Variants in ELMO2 observed in about 807,000 individuals in gnomAD.
ELMO2 encodes engulfment and cell motility protein 2.
In ELMO2, 37 loss-of-function variants were observed where a neutral mutation model predicts 96.2. That is an observed-to-expected ratio of 0.38 (90% CI 0.30 to 0.51). The LOEUF (loss-of-function observed/expected upper bound fraction) is 0.51. Among genes scored for constraint, ELMO2 ranks in the 20% least tolerant of loss-of-function variants. The probability of loss-of-function intolerance (pLI) is 0.88; values close to 1 mark genes in which losing one functional copy is unlikely to be tolerated. For missense variants in ELMO2, 561 were observed against 912.6 expected, an observed-to-expected ratio of 0.61 and a Z score of 4.96; for synonymous variants, 315 against 329.4, an observed-to-expected ratio of 0.96 and a Z score of 0.47.
intron 15 of ELMO2, among the ~76,000 whole-genome samples, chr20:46,374,098 G>GTTTTT (rs60843274): frequency 3.2e-5 from 2 of 63,028 alleles, no homozygotes; most frequent in African/African-American, 1.2e-4. Context: ...CTAATTTTTG[G>GTTTTT]TTTTTTTTTT....
chr20:46,382,169 A>AGAGCTG, intron 10 of ELMO2: 2 of 1,288,622 alleles, frequency 1.6e-6, no homozygotes, highest in Non-Finnish European at 2.0e-6. Flanking sequence ...CCCACCTGCA[A>AGAGCTG]GAGCTGGGGC....
chr20:46,374,707 G>C, intron 13 of ELMO2, 67 bp from the exon 14 acceptor site: 1 of 1,373,942 alleles, frequency 7.3e-7, no homozygotes, highest in Non-Finnish European at 1.0e-6. Context: ...CTGAGGGGAT[G>C]CCCTCTCGCC....
At chr20:46,382,450 G>A (rs2059973754) in intron 10 of ELMO2, among the ~76,000 whole-genome samples, 2 of 152,178 alleles carry the variant, frequency 1.3e-5, no homozygotes, top group East Asian at 1.9e-4. Context: ...ATCTTACTGA[G>A]CCCATGAGAT....
Position 46,374,452 on chromosome 20 carries a change from A to C in ELMO2, c.1171-12T>G, listed in dbSNP as rs775310904. 5.6e-6 allele frequency: 9 copies of C among 1,613,554 alleles called. No individual in the cohort carries two copies. The highest frequency in any genetic ancestry group is 3.3e-5 in the Admixed American group (2 of 60,000). ...TTCTCCAAGACAATCTGTCGGGGGA[A>C]GAGAAAGGGAGGATTAGGGAGATGA... On this transcript the variant is annotated splice_polypyrimidine_tract_variant and intron_variant, in intron 14 of 21. Coordinates refer to ENST00000290246, the MANE Select transcript of ELMO2 (RefSeq NM_133171.5).
In ELMO2 at chr20:46,393,511, G is replaced by T. The variant is rs1292622385; in HGVS notation, c.192+18C>A. ...TCCAAGCAAGGCCCATATTGATTTT[G>T]CCTCTCCCTGTACTAACCTGTTCGG... is the stretch of plus-strand genomic sequence containing the variant. On this transcript the variant is annotated intron_variant, in intron 5 of 21. Transcript: ENST00000290246. 1 of 1,612,144 alleles carries T rather than the reference G, an allele frequency of 6.2e-7. No individual in the cohort carries two copies. Among genetic ancestry groups the T allele is most frequent in the African/African-American group, 1.3e-5 (1 of 74,780 alleles).
At chr20:46,377,626 G>C (rs917892755) in intron 11 of ELMO2, among the ~76,000 whole-genome samples, 1 of 152,230 alleles carries the variant, frequency 6.6e-6, no homozygotes, top group African/African-American at 2.4e-5. Flanking sequence ...GGCCACCATT[G>C]TGGACAGCAC....
At chr20:46,395,741 T>A (rs931980131) in intron 2 of ELMO2, among the ~76,000 whole-genome samples, 8 of 152,208 alleles carry the variant, frequency 5.3e-5, no homozygotes, top group Non-Finnish European at 1.0e-4. Context: ...CTAGTCAGAA[T>A]GGGATGCTTC....
At chr20:46,372,689 TA>T in intron 16 of ELMO2, 1 of 152,294 alleles carries the variant, frequency 6.6e-6, no homozygotes. Flanking sequence ...TGTGGTGTTT[TA>T]AAAAAATGCA....
At chr20:46,376,639 A>G (rs1225106581) in intron 11 of ELMO2, 2 of 1,288,196 alleles carry the variant, frequency 1.6e-6, no homozygotes, top group Admixed American at 4.6e-5. Context: ...TCCTGTCCTC[A>G]CTCCCACAAT....
chr20:46,373,507 C>A lies in ELMO2; in HGVS notation c.1308G>T (p.Pro436=). 1 of 1,614,144 alleles carries A rather than the reference C, an allele frequency of 6.2e-7. No individual in the cohort carries two copies. The highest frequency in any genetic ancestry group is 8.5e-7 in the Non-Finnish European group (1 of 1,180,030). Residue 436 remains proline, a synonymous_variant, in exon 16 of 22, where the codon CCG becomes CCT. Transcript: ENST00000290246. ...AGGCTCGGTCATGGGTAAAGAACAT[C>A]GGGTGGTAGTCATTGCGTCCTTCAT... is the stretch of plus-strand genomic sequence containing the variant. ...LPNEGRNDYH[P]MFFTHDRAFE...
rs972450025 is a variant in ELMO2 at position 46,371,760 on chromosome 20, G to A, written c.1580+46C>T. The A allele has an allele frequency of 6.2e-7, 1 of 1,613,902 alleles. No individual in the cohort carries two copies. Among genetic ancestry groups the A allele is most frequent in the Non-Finnish European group, 8.5e-7 (1 of 1,179,790 alleles). ...AGTGGAGCTCTGGAAGGAAAGCAGA[G>A]CTGGCAGCCACCTCCCCCGCCAGCC... On this transcript the variant is annotated intron_variant, in intron 17 of 21. Transcript: ENST00000290246. The surrounding 1 kb of genome is among the most constrained non-coding windows in gnomAD (Gnocchi z 5.9).
chr20:46,367,583 T>C lies in ELMO2; in HGVS notation c.1963-23A>G, dbSNP rs765499329. On this transcript the variant is annotated intron_variant, in intron 21 of 21. Coordinates refer to ENST00000290246, the MANE Select transcript of ELMO2 (RefSeq NM_133171.5). Reference sequence around the variant, plus strand: ...GTACTGTGGGGAGCAAGTTGCAAAATGTCACATCGTGACCCCTGGTCAGCA... The same window carrying C: ...GTACTGTGGGGAGCAAGTTGCAAAACGTCACATCGTGACCCCTGGTCAGCA... The C allele has an allele frequency of 5.1e-6, 8 of 1,579,470 alleles. No individual in the cohort carries two copies. In the South Asian group the frequency reaches 9.3e-5, roughly 18 times the overall value.
chr20:46,389,083 A>G lies in ELMO2; in HGVS notation c.381T>C (p.Ile127=), dbSNP rs201989176. The G allele has an allele frequency of 6.2e-7, 1 of 1,614,064 alleles. No individual in the cohort carries two copies. Among genetic ancestry groups the G allele is most frequent in the African/African-American group, 1.3e-5 (1 of 75,046 alleles). ...ATEFINMDGI[I]VLTRLVESGT... is the part of the protein sequence containing the mutation. ...CACTTTCCACGAGCCTTGTCAGCAC[A>G]ATGATGCCATCCATGTTGATGAACT... Residue 127 remains isoleucine (I), a synonymous_variant, in exon 7 of 22, where the codon ATT becomes ATC. Coordinates refer to ENST00000290246, the MANE Select transcript of ELMO2 (RefSeq NM_133171.5).
At position 46,389,249 on chromosome 20, in the gene ELMO2, A is replaced by G. The variant is rs369526336; in HGVS notation, c.244-29T>C. 4 of 1,605,830 alleles carry G rather than the reference A, an allele frequency of 2.5e-6. No homozygotes were observed. The African/African-American group carries it at 5.3e-5, about 21-fold the overall frequency. On this transcript the variant is annotated intron_variant, in intron 6 of 21. Transcript: ENST00000290246. ...GGAGGCCAGGGACAAGATATGTGCCATCTGCTCCTTGGAGCAGGTTACTAC... is the reference window on the plus strand; with the variant it reads ...GGAGGCCAGGGACAAGATATGTGCCGTCTGCTCCTTGGAGCAGGTTACTAC...
chr20:46,380,201 A>G, intron 11 of ELMO2, 52 bp downstream of exon 11: 1 of 1,382,694 alleles, frequency 7.2e-7, no homozygotes, highest in Non-Finnish European at 1.0e-6. Flanking sequence ...TAACAATAAC[A>G]GTAATAATTG....
intron 2 of ELMO2, among the ~76,000 whole-genome samples, chr20:46,397,529 G>A (rs1051834078): frequency 5.9e-5 from 9 of 152,148 alleles, no homozygotes; most frequent in African/African-American, 1.7e-4. Context: ...AAGTAGCCAG[G>A]CATGATGGTG....
chr20:46,404,782 T>C (rs1433361399), intron 1 of ELMO2, among the ~76,000 whole-genome samples: 2 of 152,232 alleles, frequency 1.3e-5, no homozygotes, highest in East Asian at 3.8e-4. Context: ...TTGATTATGT[T>C]ATAATAATAT....
At chr20:46,398,819 A>G (rs185258878) in intron 1 of ELMO2, 48 bp from the exon 2 acceptor site, 1 of 152,376 alleles carries the variant, frequency 6.6e-6, no homozygotes, top group Admixed American at 6.5e-5. Context: ...GAAAAGAAAT[A>G]AAACTAAATC....
intron 9 of ELMO2, among the ~76,000 whole-genome samples, chr20:46,385,129 T>A (rs2060018948): frequency 6.6e-6 from 1 of 152,178 alleles, no homozygotes; most frequent in African/African-American, 2.4e-5. Flanking sequence ...CTGGGAGCTA[T>A]GACTTCCCCT....
Sources: gnomAD v4.1 joint callset for allele counts (sites outside exome capture counted in the v4.1 genomes callset) on GRCh38, gnomAD v4.1.1 for gene constraint, Gnocchi (gnomAD v3.1) non-coding constraint, MANE v1.5 for transcripts, NCBI Gene and HGNC (gene_info 2026-07-23, HGNC 2026-07-21) for gene names.